The following SPAG16 variants were observed in gnomAD, a reference collection of about 807,000 sequenced individuals.
The protein encoded by SPAG16 is sperm associated antigen 16.
SPAG16 carries 86 observed loss-of-function variants against 80.4 expected under a neutral mutation model. That is an observed-to-expected ratio of 1.07 (90% CI 0.90 to 1.28). The LOEUF is 1.28. Ranked by LOEUF, SPAG16 falls within the 50% of genes most tolerant of loss-of-function variation. The pLI is 0.00. For synonymous variants in SPAG16, 294 were observed against 265.9 expected (o/e 1.11, Z -1.03); for missense variants, 870 against 765.3 (o/e 1.14, Z -1.61).
rs534243797 is a variant in SPAG16 at position 213,588,699 on chromosome 2, G to A, written c.1070+98609G>A. ...CGCCTGTAGTCCCAGCTACTCGGGA[G>A]GCTGAGGCAGGAGAATGGCGTGAAC... On this transcript the variant is annotated intron_variant, in intron 10 of 15. Transcript: ENST00000331683. 2.7e-5 allele frequency among the ~76,000 whole-genome samples: 4 copies of A among 150,724 alleles called. No individual in the cohort carries two copies. In the South Asian group the frequency reaches 6.3e-4, roughly 24 times the overall value.
At chr2:213,816,693 A>G (rs982980597) in intron 10 of SPAG16, among the ~76,000 whole-genome samples, 1 of 152,086 alleles carries the variant, frequency 6.6e-6, no homozygotes, top group Non-Finnish European at 1.5e-5. Flanking sequence ...TCTTATGCAC[A>G]TGATTCCTAA....
intron 6 of SPAG16, among the ~76,000 whole-genome samples, chr2:213,344,583 T>A (rs2064868143): frequency 6.6e-6 from 1 of 152,076 alleles, no homozygotes; most frequent in Non-Finnish European, 1.5e-5. Context: ...CCTGTGTCCA[T>A]GTGTTCTCAT....
At chr2:214,061,525 T>G (rs1161556599) in intron 13 of SPAG16, among the ~76,000 whole-genome samples, 1 of 152,178 alleles carries the variant, frequency 6.6e-6, no homozygotes, top group African/African-American at 2.4e-5. Flanking sequence ...AGTTCAAGTC[T>G]GAAGGCAGTC....
At chr2:213,431,921 G>T (rs184134367) in intron 9 of SPAG16, among the ~76,000 whole-genome samples, 9 of 152,034 alleles carry the variant, frequency 5.9e-5, no homozygotes, top group Admixed American at 5.2e-4. Context: ...ATAGTAAAAT[G>T]AAACTAGAAG....
chr2:213,503,056 A>G (rs535404869), intron 10 of SPAG16, among the ~76,000 whole-genome samples: 3 of 152,324 alleles, frequency 2.0e-5, no homozygotes, highest in Admixed American at 1.3e-4. Flanking sequence ...TTTACCCTTG[A>G]TTCCCATCTA....
chr2:213,457,879 A>ATT (rs142694019), intron 9 of SPAG16, among the ~76,000 whole-genome samples: 9 of 146,424 alleles, frequency 6.1e-5, no homozygotes, highest in East Asian at 2.0e-4. Flanking sequence ...CTCTTCTTTT[A>ATT]TTTTTTTTTT....
At chr2:213,552,703 T>C (rs2076818059) in intron 10 of SPAG16, among the ~76,000 whole-genome samples, 1 of 152,126 alleles carries the variant, frequency 6.6e-6, no homozygotes, top group Non-Finnish European at 1.5e-5. Flanking sequence ...TGTGAGGGTG[T>C]TGTCAAAGAA....
intron 10 of SPAG16, among the ~76,000 whole-genome samples, chr2:213,766,805 A>T (rs2125539148): frequency 6.6e-6 from 1 of 152,338 alleles, no homozygotes; most frequent in Admixed American, 6.5e-5. Context: ...TGGGCTAGGT[A>T]TGCAAATATG....
chr2:213,949,184 T>G lies in SPAG16; in HGVS notation c.1400+19039T>G, dbSNP rs896105742. ...AATTACAACAGTTTTTTTTTTTTTT[T>G]TTTTTTTTTGAGGTAGAGTCTCTGT... On this transcript the variant is annotated intron_variant, in intron 12 of 15. Coordinates refer to ENST00000331683, the MANE Select transcript of SPAG16 (RefSeq NM_024532.5). Among the ~76,000 whole-genome samples, 9 of 19,192 alleles carry G rather than the reference T, an allele frequency of 4.7e-4. No individual in the cohort carries two copies. The Admixed American group carries it at 9.7e-3, about 21-fold the overall frequency. The allele number at this position is 19,192 out of a possible 152,430, so 12.6% of individuals were successfully genotyped here.
chr2:214,110,358 A>G (rs962354254), intron 14 of SPAG16, among the ~76,000 whole-genome samples: 5 of 151,804 alleles, frequency 3.3e-5, no homozygotes, highest in Admixed American at 1.3e-4. Flanking sequence ...TCATTGTTCA[A>G]TCCCACCTAT....
At chr2:213,983,730 T>TGTC (rs1429572817) in intron 12 of SPAG16, among the ~76,000 whole-genome samples, 1 of 152,026 alleles carries the variant, frequency 6.6e-6, no homozygotes, top group Non-Finnish European at 1.5e-5. Flanking sequence ...TTAGCTTGCT[T>TGTC]GTCATTTCAA....
At chr2:214,203,608 A>G (rs1480293369) in intron 15 of SPAG16, among the ~76,000 whole-genome samples, 1 of 152,158 alleles carries the variant, frequency 6.6e-6, no homozygotes, top group Admixed American at 6.5e-5. Context: ...TGGAGCTGAG[A>G]CAAATTTAGA....
Position 214,057,566 on chromosome 2 carries a change from T to C in SPAG16, c.1527+43489T>C, listed in dbSNP as rs977981054. Among the ~76,000 whole-genome samples the C allele has an allele frequency of 3.3e-5, 5 of 152,128 alleles. No individual in the cohort carries two copies. In the South Asian group the frequency reaches 1.0e-3, roughly 32 times the overall value. ...AGCATAATTTTCAAAGGCCCTAGGATTTTTTGAATGGTTAATGAGCATTGG... is the reference window on the plus strand; with the variant it reads ...AGCATAATTTTCAAAGGCCCTAGGACTTTTTGAATGGTTAATGAGCATTGG... On this transcript the variant is annotated intron_variant, in intron 13 of 15. Transcript: ENST00000331683.
intron 12 of SPAG16, among the ~76,000 whole-genome samples, chr2:214,005,462 G>A (rs183219266): frequency 1.6e-3 from 245 of 152,218 alleles, no homozygotes; most frequent in African/African-American, 5.8e-3. Context: ...TTTTATCATC[G>A]AGGGTTTTGG....
At chr2:213,525,929 A>G (rs1043638935) in intron 10 of SPAG16, among the ~76,000 whole-genome samples, 3 of 152,168 alleles carry the variant, frequency 2.0e-5, no homozygotes, top group African/African-American at 7.2e-5. Flanking sequence ...ATAAAAAATA[A>G]TAGTGTAATT....
intron 9 of SPAG16, among the ~76,000 whole-genome samples, chr2:213,449,876 T>G (rs2071583090): frequency 6.6e-6 from 1 of 152,232 alleles, no homozygotes; most frequent in African/African-American, 2.4e-5. Flanking sequence ...TAGTAGAATT[T>G]CTACATGTAG....
chr2:213,503,276 G>C (rs2074822239), intron 10 of SPAG16, among the ~76,000 whole-genome samples: 2 of 152,166 alleles, frequency 1.3e-5, no homozygotes. Context: ...TCCTCAGAAA[G>C]GAGGGATGTA....
chr2:213,821,961 C>G (rs2072970034), intron 10 of SPAG16, among the ~76,000 whole-genome samples: 1 of 152,168 alleles, frequency 6.6e-6, no homozygotes, highest in Admixed American at 6.5e-5. Context: ...TTGGTGGACA[C>G]TTAGGTTGCT....
chr2:213,802,064 AAGCCC>A (rs2071443340), intron 10 of SPAG16, among the ~76,000 whole-genome samples: 1 of 152,224 alleles, frequency 6.6e-6, no homozygotes, highest in African/African-American at 2.4e-5. Context: ...AACCTGAGAA[AAGCCC>A]ACTTTTTTGT....
Sources: gnomAD v4.1 joint callset for allele counts (sites outside exome capture counted in the v4.1 genomes callset) on GRCh38, gnomAD v4.1.1 for gene constraint, MANE v1.5 for transcripts, NCBI Gene and HGNC (gene_info 2026-07-23, HGNC 2026-07-21) for gene names.